WSCD2: variants seen among roughly 807,000 people sequenced by gnomAD.
WSCD2 encodes the protein sialate:O-sulfotransferase 2.
Under a neutral mutation model 55.7 loss-of-function variants are expected in WSCD2, and 28 were observed. The observed-to-expected ratio is 0.50, with a 90% CI of 0.37 to 0.69. The LOEUF (loss-of-function observed/expected upper bound fraction) is 0.69, where lower values mean the gene tolerates loss of function less well. Ranked by LOEUF, WSCD2 falls within the 30% of genes least tolerant of loss-of-function variation. The pLI is 0.00. For missense variants in WSCD2, 616 were observed against 762.1 expected, an observed-to-expected ratio of 0.81 and a Z score of 2.26; for synonymous variants, 301 against 301.9, an observed-to-expected ratio of 1.00 and a Z score of 0.03.
intron 4 of WSCD2, among the ~76,000 whole-genome samples, chr12:108,222,224 C>T (rs1887608918): frequency 6.6e-6 from 1 of 152,342 alleles, no homozygotes; most frequent in South Asian, 2.1e-4. Flanking sequence ...GACCCAGACA[C>T]CGCTACAGAG....
At chr12:108,157,712 G>C (rs1878662520) in intron 1 of WSCD2, among the ~76,000 whole-genome samples, 1 of 152,140 alleles carries the variant, frequency 6.6e-6, no homozygotes, top group African/African-American at 2.4e-5. Flanking sequence ...TACCCAGAGT[G>C]GGGTGAGCTC....
At chr12:108,132,629 CAT>C (rs148030955) in intron 1 of WSCD2, among the ~76,000 whole-genome samples, 3,597 of 152,272 alleles carry the variant, frequency 0.024, 55 homozygotes, top group Non-Finnish European at 0.029. Context: ...ATATGTGAGT[CAT>C]GTGTGTCTGG....
chr12:108,152,643 G>T (rs373640399), intron 1 of WSCD2, among the ~76,000 whole-genome samples: 1 of 152,202 alleles, frequency 6.6e-6, no homozygotes, highest in East Asian at 1.9e-4. Flanking sequence ...GGCCTTTGGA[G>T]GCCAGGTGGG....
chr12:108,191,843 G>A (rs889429394), intron 1 of WSCD2, among the ~76,000 whole-genome samples: 1 of 152,100 alleles, frequency 6.6e-6, no homozygotes, highest in Non-Finnish European at 1.5e-5. Context: ...AGTGGGGGGT[G>A]GACACAGCCC....
intron 1 of WSCD2, among the ~76,000 whole-genome samples, chr12:108,146,259 G>A (rs570986415): frequency 4.6e-5 from 7 of 152,324 alleles, no homozygotes; most frequent in African/African-American, 1.2e-4. Flanking sequence ...ACCATCATTG[G>A]TTGGGCTTTA....
chr12:108,164,174 A>C (rs1344274893), intron 1 of WSCD2, among the ~76,000 whole-genome samples: 3 of 22,816 alleles, frequency 1.3e-4, no homozygotes, highest in Non-Finnish European at 2.4e-4. Flanking sequence ...AGAGAGGGGG[A>C]TGTTTGAAAA....
At position 108,208,078 on chromosome 12, in the gene WSCD2, CA is replaced by C. The variant is rs1296804510; in HGVS notation, c.497+1677del. ...ATAAGTCAGAGCTACTCATGTAATTCAATTTGGTTCAGCAAATATTTGTTGA... is the reference window on the plus strand; with the variant it reads ...ATAAGTCAGAGCTACTCATGTAATTCATTTGGTTCAGCAAATATTTGTTGA... On this transcript the variant is annotated intron_variant, in intron 3 of 8. Coordinates refer to ENST00000547525, the MANE Select transcript of WSCD2 (RefSeq NM_014653.4). 7.9e-5 allele frequency among the ~76,000 whole-genome samples: 12 copies of C among 152,304 alleles called. No individual in the cohort carries two copies. The East Asian group carries it at 1.9e-3, about 25-fold the overall frequency.
chr12:108,219,129 C>T (rs1262785972), intron 4 of WSCD2, among the ~76,000 whole-genome samples: 1 of 152,166 alleles, frequency 6.6e-6, no homozygotes, highest in Non-Finnish European at 1.5e-5. Flanking sequence ...GGTTGCCAGG[C>T]AACCCAGAGA....
rs1365314 is a variant in WSCD2 at position 108,232,694 on chromosome 12, C to G, written c.980-37C>G. ...CCTTTCAGACAGGCTCCATCTGCCC[C>G]TGGTGTTGACCTCTGTCCATGCTCC... On this transcript the variant is annotated intron_variant, in intron 6 of 8. Coordinates refer to ENST00000547525, the MANE Select transcript of WSCD2 (RefSeq NM_014653.4). 10,450 of 1,570,060 alleles carry G rather than the reference C, an allele frequency of 6.7e-3. 405 individuals carry two copies. The African/African-American group carries it at 0.099, about 15-fold the overall frequency.
rs1883829349 is a variant in WSCD2, at chr12:108,195,769, C to T, written c.-64C>T. ...CTAAGGAAAGCTTGGGAAACCAAGC[C>T]CCTTCCATCCTCTCCCAAGCACCCC... On this transcript the variant is annotated 5_prime_UTR_variant, in exon 2 of 9. Transcript: ENST00000547525. 1 of 1,528,024 alleles carries T rather than the reference C, an allele frequency of 6.5e-7. No individual in the cohort carries two copies. The highest frequency in any genetic ancestry group is 1.4e-5 in the African/African-American group (1 of 72,092). 94.7% of individuals were successfully genotyped at this position (1,528,024 alleles called of 1,614,324 possible).
chr12:108,136,029 A>G (rs1165853060), intron 1 of WSCD2, among the ~76,000 whole-genome samples: 2 of 152,242 alleles, frequency 1.3e-5, no homozygotes, highest in Non-Finnish European at 2.9e-5. Context: ...GCTTTGGACT[A>G]GGATGACCAA....
At chr12:108,238,287 A>C (rs1889426664) in intron 7 of WSCD2, among the ~76,000 whole-genome samples, 1 of 152,214 alleles carries the variant, frequency 6.6e-6, no homozygotes, top group South Asian at 2.1e-4. Context: ...GCTAATTTGC[A>C]AAGCTAGGCT....
At chr12:108,173,810 C>CTGTG (rs113409001) in intron 1 of WSCD2, among the ~76,000 whole-genome samples, 3,340 of 131,130 alleles carry the variant, frequency 0.025, 112 homozygotes, top group African/African-American at 0.067. Context: ...TCCTGGCTCT[C>CTGTG]TGTGTGTGTG....
chr12:108,180,061 A>G (rs1017299456), intron 1 of WSCD2, among the ~76,000 whole-genome samples: 8 of 151,558 alleles, frequency 5.3e-5, no homozygotes, highest in African/African-American at 1.7e-4. Flanking sequence ...AAAAAAAAAA[A>G]AAAAAAGAAA....
chr12:108,139,802 T>C (rs1876596631), intron 1 of WSCD2, among the ~76,000 whole-genome samples: 1 of 152,184 alleles, frequency 6.6e-6, no homozygotes, highest in African/African-American at 2.4e-5. Flanking sequence ...AATGTCAGAA[T>C]GGGACATGGC....
At chr12:108,193,599 GGATGGATGGATGGATGGATA>G (rs1021774468) in intron 1 of WSCD2, among the ~76,000 whole-genome samples, 5 of 150,630 alleles carry the variant, frequency 3.3e-5, no homozygotes, top group African/African-American at 1.2e-4. Context: ...GAAGGCAAAT[GGATGGATGGATGGATGGATA>G]GATGGATGGA....
intron 8 of WSCD2, among the ~76,000 whole-genome samples, chr12:108,241,144 C>T (rs988099370): frequency 3.3e-5 from 5 of 152,112 alleles, no homozygotes; most frequent in Non-Finnish European, 5.9e-5. Flanking sequence ...CTCTGGGTGG[C>T]GAGGCTCAGA....
intron 1 of WSCD2, among the ~76,000 whole-genome samples, chr12:108,142,535 C>G (rs775028118): frequency 6.6e-6 from 1 of 152,198 alleles, no homozygotes; most frequent in African/African-American, 2.4e-5. Context: ...TTACTTCAAT[C>G]TCCTTGGCCT....
At chr12:108,194,155 C>G (rs908027171) in intron 1 of WSCD2, among the ~76,000 whole-genome samples, 1 of 152,236 alleles carries the variant, frequency 6.6e-6, no homozygotes, top group Non-Finnish European at 1.5e-5. Flanking sequence ...GTACTCAACT[C>G]TCTGTGCTCA....
Sources: allele counts gnomAD v4.1 joint callset (sites outside exome capture counted in the v4.1 genomes callset), GRCh38; gene constraint gnomAD v4.1.1; transcripts MANE v1.5; gene names NCBI Gene and HGNC (gene_info 2026-07-23, HGNC 2026-07-21).